The following PZP variants were observed in gnomAD, a reference collection of about 807,000 sequenced individuals.
PZP encodes PZP alpha-2-macroglobulin like.
In PZP, 150 loss-of-function variants were observed where a neutral mutation model predicts 179.8. The ratio of observed to expected loss-of-function variants is 0.83; its 90% CI spans 0.73 to 0.96. The LOEUF (loss-of-function observed/expected upper bound fraction) is 0.96. Ranked by LOEUF, PZP falls within the 40% of genes least tolerant of loss-of-function variation. The pLI is 0.00. For synonymous variants in PZP, 624 were observed against 652.3 expected (o/e 0.96, Z 0.66); for missense variants, 1,689 against 1,764.0 (o/e 0.96, Z 0.76).
chr12:9,203,358 T>C (rs952197407), intron 2 of PZP, among the ~76,000 whole-genome samples: 1 of 91,652 alleles, frequency 1.1e-5, no homozygotes, highest in Non-Finnish European at 2.4e-5. Flanking sequence ...TTTTTTTTTT[T>C]TGAGACGGAG....
intron 14 of PZP, 84 bp from the exon 15 acceptor site, chr12:9,181,216 A>G: frequency 6.4e-7 from 1 of 1,557,064 alleles, no homozygotes; most frequent in Non-Finnish European, 8.8e-7. Context: ...AGCCACCCTT[A>G]TATTCAGTTC....
chr12:9,146,170 T>C (rs188690300), downstream of PZP, among the ~76,000 whole-genome samples: 1 of 152,226 alleles, frequency 6.6e-6, no homozygotes, highest in East Asian at 1.9e-4. Flanking sequence ...TAATGGTCAA[T>C]TTGATGGTGC....
chr12:9,151,063 A>G (rs1319830313), intron 33 of PZP, among the ~76,000 whole-genome samples: 2 of 152,214 alleles, frequency 1.3e-5, no homozygotes, highest in Non-Finnish European at 2.9e-5. Context: ...TGTAATTAAA[A>G]CAACGAAGTA....
chr12:9,168,210 C>A (rs1464433624), intron 17 of PZP, among the ~76,000 whole-genome samples: 1 of 152,092 alleles, frequency 6.6e-6, no homozygotes, highest in Non-Finnish European at 1.5e-5. Context: ...GGATTTGAGG[C>A]TTAGAGAGGA....
chr12:9,203,956 G>A lies in PZP; in HGVS notation c.84-5C>T, dbSNP rs771878885. On this transcript the variant is annotated splice_region_variant and splice_polypyrimidine_tract_variant and intron_variant, in intron 1 of 35. Transcript: ENST00000261336. ...GGGACCAGCACCATATACTGCCTGG[G>A]AAAGGAAGAAGTCTAAATTAGAGAA... 3 of 1,603,300 alleles carry A rather than the reference G, an allele frequency of 1.9e-6. No homozygotes were observed. Among genetic ancestry groups the A allele is most frequent in the South Asian group, 1.1e-5 (1 of 89,308 alleles).
intron 1 of PZP, among the ~76,000 whole-genome samples, chr12:9,207,582 C>T (rs1194665812): frequency 6.6e-6 from 1 of 152,178 alleles, no homozygotes; most frequent in Non-Finnish European, 1.5e-5. Flanking sequence ...CAAGAGAAAC[C>T]AGATGGCTAA....
downstream of PZP, among the ~76,000 whole-genome samples, chr12:9,144,905 G>A (rs986621165): frequency 6.6e-6 from 1 of 152,186 alleles, no homozygotes; most frequent in African/African-American, 2.4e-5. Flanking sequence ...TTAGCCATTA[G>A]GCCAATGCCC....
the PZP span, among the ~76,000 whole-genome samples, chr12:9,138,508 G>A: frequency 6.6e-6 from 1 of 151,434 alleles, no homozygotes; most frequent in Admixed American, 6.6e-5. Flanking sequence ...GTAGCAGTGT[G>A]CTACTGGCCT....
At chr12:9,198,150 A>G (rs1357656062) in intron 7 of PZP, among the ~76,000 whole-genome samples, 21 of 151,258 alleles carry the variant, frequency 1.4e-4, no homozygotes, top group Middle Eastern at 6.8e-3. Flanking sequence ...AAAGTTCCCA[A>G]CTAGCATGGG....
intron 13 of PZP, among the ~76,000 whole-genome samples, chr12:9,185,363 C>T (rs1199802442): frequency 6.6e-6 from 1 of 152,092 alleles, no homozygotes; most frequent in Non-Finnish European, 1.5e-5. Context: ...TGCAATACAA[C>T]AGTCAGACAA....
chr12:9,166,992 T>C (rs949671080), intron 17 of PZP: 1 of 152,192 alleles, frequency 6.6e-6, no homozygotes, highest in Non-Finnish European at 1.5e-5. Flanking sequence ...AGGAAAAATA[T>C]ATTTCTAGCA....
At chr12:9,150,401 G>C (rs1940265122) in intron 34 of PZP, among the ~76,000 whole-genome samples, 1 of 152,132 alleles carries the variant, frequency 6.6e-6, no homozygotes, top group South Asian at 2.1e-4. Flanking sequence ...TCCTGCCTCA[G>C]CCTCCATAGT....
In PZP at chr12:9,202,892, A is replaced by G. The variant is rs79602053; in HGVS notation, c.268-208T>C. Reference sequence around the variant, plus strand: ...GGCCATCAATAGAACCCAGATCTCCATGGAGTTCACCTAGAGCTCTAGTTA... The same window carrying G: ...GGCCATCAATAGAACCCAGATCTCCGTGGAGTTCACCTAGAGCTCTAGTTA... On this transcript the variant is annotated intron_variant, in intron 2 of 35. Coordinates refer to ENST00000261336, the MANE Select transcript of PZP (RefSeq NM_002864.3). 6.9e-3 allele frequency among the ~76,000 whole-genome samples: 1,045 copies of G among 152,304 alleles called. 10 individuals carry two copies. The highest frequency in any genetic ancestry group is 0.023 in the African/African-American group (957 of 41,570).
At chr12:9,192,850 C>T (rs1052793531) in intron 11 of PZP, 111 bp from the exon 12 acceptor site, 5 of 694,012 alleles carry the variant, frequency 7.2e-6, no homozygotes, top group East Asian at 2.6e-5. Context: ...TACACTATGC[C>T]TCTCCCTCAT....
intron 15 of PZP, among the ~76,000 whole-genome samples, chr12:9,174,971 C>T (rs772444869): frequency 2.6e-5 from 4 of 152,208 alleles, no homozygotes; most frequent in African/African-American, 9.6e-5. Context: ...TTTTAAAATT[C>T]ATATGGAACC....
At chr12:9,154,356 A>C (rs1410210577) in intron 29 of PZP, among the ~76,000 whole-genome samples, 1 of 152,222 alleles carries the variant, frequency 6.6e-6, no homozygotes, top group Admixed American at 6.5e-5. Context: ...GAATGTGTCC[A>C]ATGACCATAG....
In PZP at chr12:9,160,467, G is replaced by T; in HGVS notation, c.2896C>A (p.Gln966Lys). Residue 966 changes from glutamine to lysine, a missense_variant, in exon 24 of 36, where the codon CAA becomes AAA. This residue lies in a region of PZP where 746 missense variants were observed against 749.2 expected (regional missense o/e 1.00). Transcript: ENST00000261336. Reference sequence around the variant, plus strand: ...ATCTGGAGGAGATTTTGTATATTTTGCATAGCAGAACCTAATATGTCACCT... The same window carrying T: ...ATCTGGAGGAGATTTTGTATATTTTTCATAGCAGAACCTAATATGTCACCT... ...VLGDILGSAM[Q>K]NIQNLLQMPY... The T allele has an allele frequency of 6.2e-7, 1 of 1,613,644 alleles. No homozygotes were observed. The highest frequency in any genetic ancestry group is 2.2e-5 in the East Asian group (1 of 44,880).
intron 6 of PZP, 23 bp from the exon 7 acceptor site, chr12:9,200,471 T>A (rs776544905): frequency 6.5e-7 from 1 of 1,531,282 alleles, no homozygotes. Flanking sequence ...ATAATAGGAA[T>A]AAGGAAGGTT....
chr12:9,196,624 G>A lies in PZP; in HGVS notation c.929C>T (p.Thr310Met), dbSNP rs777042504. The A allele has an allele frequency of 4.3e-6, 7 of 1,613,630 alleles. No homozygotes were observed. The highest frequency in any genetic ancestry group is 2.2e-5 in the South Asian group (2 of 91,074). Residue 310 changes from threonine to methionine, a missense_variant, in exon 9 of 36, where the codon ACG becomes ATG. Thr to Met is a moderately conservative substitution (Grantham distance 81). Coordinates refer to ENST00000261336, the MANE Select transcript of PZP (RefSeq NM_002864.3). ...VHTKMLQITN[T>M]GFEMKLRVEA... ...CACTCTAAGCTTCATTTCAAAGCCCGTATTTGTAATCTGGAGCATTTTGGT... is the reference window on the plus strand; with the variant it reads ...CACTCTAAGCTTCATTTCAAAGCCCATATTTGTAATCTGGAGCATTTTGGT...
Sources: allele counts gnomAD v4.1 joint callset (sites outside exome capture counted in the v4.1 genomes callset), GRCh38; gene constraint gnomAD v4.1.1; regional missense constraint gnomAD v4.1.1; transcripts MANE v1.5; gene names NCBI Gene and HGNC (gene_info 2026-07-23, HGNC 2026-07-21).